NID2: variants seen among roughly 807,000 people sequenced by gnomAD.
The protein encoded by NID2 is nidogen-2.
Under a neutral mutation model 145.4 loss-of-function variants are expected in NID2, and 83 were observed. The observed-to-expected ratio is 0.57, with a 90% CI of 0.48 to 0.69. The LOEUF (loss-of-function observed/expected upper bound fraction) is 0.69, where lower values mean the gene tolerates loss of function less well. Ranked by LOEUF, NID2 falls within the 30% of genes least tolerant of loss-of-function variation. The pLI, the probability that NID2 is intolerant of heterozygous loss-of-function variation, is 0.00. For synonymous variants in NID2, 739 were observed against 701.3 expected (o/e 1.05, Z -0.85); for missense variants, 1,807 against 1,765.7 (o/e 1.02, Z -0.42).
At chr14:52,058,099 A>G (rs748087728) in intron 3 of NID2, among the ~76,000 whole-genome samples, 18 of 152,226 alleles carry the variant, frequency 1.2e-4, no homozygotes, top group Non-Finnish European at 2.1e-4. Flanking sequence ...GTTTACTGCA[A>G]TGATATTTAT....
At chr14:52,063,252 T>C (rs968601528) in intron 2 of NID2, among the ~76,000 whole-genome samples, 5 of 152,336 alleles carry the variant, frequency 3.3e-5, no homozygotes, top group African/African-American at 1.2e-4. Flanking sequence ...AGCCCTCAGA[T>C]GGGCTGCCAA....
intron 16 of NID2, 190 bp downstream of exon 16, chr14:52,014,097 A>G: frequency 1.4e-6 from 1 of 692,960 alleles, no homozygotes; most frequent in East Asian, 2.7e-5. Flanking sequence ...TTGGTCAGTG[A>G]CAGGTGACTC....
Position 52,011,060 on chromosome 14 carries a change from CAA to C in NID2, c.3551-15_3551-14del, listed in dbSNP as rs761893152. 6.8e-6 allele frequency: 11 copies of C among 1,611,358 alleles called. No homozygotes were observed. Among genetic ancestry groups the C allele is most frequent in the Non-Finnish European group, 9.3e-6 (11 of 1,178,034 alleles). On this transcript the variant is annotated splice_polypyrimidine_tract_variant and intron_variant, in intron 17 of 21. Transcript: ENST00000216286. ...GGGCTTATCAGACCTGGAAATAAAG[CAA>C]AGTCAGGACTGGAGTGTTTGCAGGA...
chr14:52,006,404 A>T (rs940223264), intron 20 of NID2, 133 bp downstream of exon 20: 6 of 900,304 alleles, frequency 6.7e-6, no homozygotes, highest in African/African-American at 3.3e-5. Context: ...TTATCTGCCA[A>T]TGAGGAGGTG....
Position 52,015,645 on chromosome 14 carries a change from C to T in NID2, c.3029-370G>A, listed in dbSNP as rs192191604. ...AGGCCCATCCTGCCTGTACCTCGGG[C>T]GCCTCTGCTGACAGAGCACTTGTGC... On this transcript the variant is annotated intron_variant, in intron 14 of 21. Coordinates refer to ENST00000216286, the MANE Select transcript of NID2 (RefSeq NM_007361.4). Among the ~76,000 whole-genome samples, 11 of 152,300 alleles carry T rather than the reference C, an allele frequency of 7.2e-5. No individual in the cohort carries two copies. In the East Asian group the frequency reaches 1.2e-3, roughly 16 times the overall value.
In NID2 at chr14:52,029,552, C is replaced by T; in HGVS notation, c.2396G>A (p.Cys799Tyr). 1 of 1,611,826 alleles carries T rather than the reference C, an allele frequency of 6.2e-7. No homozygotes were observed. The highest frequency in any genetic ancestry group is 1.7e-5 in the Admixed American group (1 of 59,964). ...CACGAGAACATGGCTCTTACCCACA[C>T]AGTTCCGTCCATCTCCCTGGTACCC... Reference protein sequence around the residue: ...ASGYQGDGRNCVDENECATGF... With the variant: ...ASGYQGDGRNYVDENECATGF... Residue 799 changes from cysteine (C) to tyrosine (Y), a missense_variant, in exon 10 of 22, where the codon TGT (cysteine) becomes TAT (tyrosine). Cys to Tyr is a radical substitution (Grantham distance 194). Coordinates refer to ENST00000216286, the MANE Select transcript of NID2 (RefSeq NM_007361.4).
Position 52,067,841 on chromosome 14 carries a change from T to A in NID2, c.534+17A>T. The A allele has an allele frequency of 6.2e-7, 1 of 1,610,778 alleles. No individual in the cohort carries two copies. The highest frequency in any genetic ancestry group is 8.5e-7 in the Non-Finnish European group (1 of 1,179,742). On this transcript the variant is annotated intron_variant, in intron 2 of 21. Transcript: ENST00000216286. ...TCCTTCAATTTCCTCAGCAGTCAAA[T>A]ATCCCTGGTCACTTACCTCTCCCGA... is the stretch of plus-strand genomic sequence containing the variant.
intron 12 of NID2, among the ~76,000 whole-genome samples, chr14:52,021,080 G>A (rs1891389036): frequency 6.6e-6 from 1 of 151,710 alleles, no homozygotes; most frequent in African/African-American, 2.4e-5. Flanking sequence ...GATGAGATAA[G>A]CTACTTTAAG....
Position 52,038,977 on chromosome 14 carries a change from G to A in NID2, c.2027C>T (p.Thr676Ile). The A allele has an allele frequency of 6.3e-7, 1 of 1,597,204 alleles. No individual in the cohort carries two copies. Among genetic ancestry groups the A allele is most frequent in the Non-Finnish European group, 8.5e-7 (1 of 1,171,130 alleles). Reference sequence around the variant, plus strand: ...GTCTCTGGAACTTGTAGAGGTCACAGCTGCAACAAACACAGTGGTAATTTT... The same window carrying A: ...GTCTCTGGAACTTGTAGAGGTCACAACTGCAACAAACACAGTGGTAATTTT... ...YKELYHYSDS[T>I]VTSTSSRDYS... The change falls in exon 9 of 22, where the codon ACT becomes ATT. Residue 676 changes from threonine to isoleucine, a missense_variant and splice_region_variant. By Grantham distance (89) the Thr-to-Ile change is moderately conservative. Coordinates refer to ENST00000216286, the MANE Select transcript of NID2 (RefSeq NM_007361.4).
At chr14:52,011,770 A>G in intron 16 of NID2, 87 bp from the exon 17 acceptor site, 1 of 1,465,624 alleles carries the variant, frequency 6.8e-7, no homozygotes. Context: ...GCACAGCTGC[A>G]GTGAGCAACA....
chr14:52,019,473 T>A (rs1173875861), intron 13 of NID2, among the ~76,000 whole-genome samples, 179 bp from the exon 14 acceptor site: 4 of 152,232 alleles, frequency 2.6e-5, no homozygotes, highest in Non-Finnish European at 5.9e-5. Flanking sequence ...TAGTTCATCC[T>A]ATAGGTCCCT....
At chr14:52,009,720 G>A (rs1392336443) in intron 18 of NID2, 1 of 152,284 alleles carries the variant, frequency 6.6e-6, no homozygotes, top group South Asian at 2.1e-4. Context: ...AAGGGGCCGG[G>A]CGCAGTGGCT....
chr14:52,065,858 T>C (rs1893184214), intron 2 of NID2, among the ~76,000 whole-genome samples: 2 of 142,322 alleles, frequency 1.4e-5, no homozygotes, highest in Non-Finnish European at 3.0e-5. Context: ...GGCTGCATAG[T>C]ATTCCATGGT....
In NID2 at chr14:52,037,471, T is replaced by A. The variant is rs116976987; in HGVS notation, c.2257+1276A>T. 6.3e-3 allele frequency among the ~76,000 whole-genome samples: 954 copies of A among 152,280 alleles called. 11 individuals carry two copies. Among genetic ancestry groups the A allele is most frequent in the Middle Eastern group, 0.034 (10 of 294 alleles). On this transcript the variant is annotated intron_variant, in intron 9 of 21. Coordinates refer to ENST00000216286, the MANE Select transcript of NID2 (RefSeq NM_007361.4). ...CCCGGCACTGTTGTTGAAAAAGCAA[T>A]TGACTTTTAATGTGAGTATTTCTGG...
intron 12 of NID2, among the ~76,000 whole-genome samples, chr14:52,024,038 ATATT>A (rs1356699480): frequency 3.9e-5 from 6 of 152,210 alleles, no homozygotes; most frequent in African/African-American, 1.4e-4. Flanking sequence ...ATATATTTCA[ATATT>A]TATTCTTCAA....
chr14:52,026,362 T>C (rs985346110), intron 12 of NID2, among the ~76,000 whole-genome samples: 2 of 152,192 alleles, frequency 1.3e-5, no homozygotes, highest in Non-Finnish European at 1.5e-5. Context: ...AAAGTCTGCC[T>C]TTTAAGGTTC....
intron 5 of NID2, among the ~76,000 whole-genome samples, chr14:52,049,900 T>C (rs1322614723): frequency 1.3e-5 from 2 of 152,120 alleles, no homozygotes; most frequent in African/African-American, 2.4e-5. Context: ...CGGCGGCTCC[T>C]GGTCACAGAC....
intron 11 of NID2, among the ~76,000 whole-genome samples, chr14:52,028,241 G>T (rs1204877644): frequency 6.6e-6 from 1 of 150,816 alleles, no homozygotes; most frequent in Non-Finnish European, 1.5e-5. Context: ...AAACAGGGCT[G>T]AAACTGAGCC....
At chr14:52,024,938 C>A (rs1314542332) in intron 12 of NID2, among the ~76,000 whole-genome samples, 1 of 152,126 alleles carries the variant, frequency 6.6e-6, no homozygotes, top group Non-Finnish European at 1.5e-5. Context: ...CATGCAGCAT[C>A]TAATCTAAAT....
Sources: allele counts gnomAD v4.1 joint callset (sites outside exome capture counted in the v4.1 genomes callset), GRCh38; gene constraint gnomAD v4.1.1; transcripts MANE v1.5; gene names NCBI Gene and HGNC (gene_info 2026-07-23, HGNC 2026-07-21).